The following TTC6 variants were observed in gnomAD, a reference collection of about 807,000 sequenced individuals.
The protein encoded by TTC6 is tetratricopeptide repeat protein 6.
Under a neutral mutation model 210.4 loss-of-function variants are expected in TTC6, and 172 were observed. The ratio of observed to expected loss-of-function variants is 0.82; its 90% CI spans 0.72 to 0.93. TTC6 has a LOEUF of 0.93. TTC6 is among the 40% of genes least tolerant of loss of function. TTC6 has a pLI of 0.00. For missense variants in TTC6, 2,414 were observed against 2,318.1 expected, an observed-to-expected ratio of 1.04 and a Z score of -0.85; for synonymous variants, 804 against 819.6, an observed-to-expected ratio of 0.98 and a Z score of 0.32.
At chr14:37,651,639 T>C (rs1176954454) in intron 1 of TTC6, among the ~76,000 whole-genome samples, 1 of 151,544 alleles carries the variant, frequency 6.6e-6, no homozygotes, top group Non-Finnish European at 1.5e-5. Flanking sequence ...GTACAGAGGG[T>C]GCCAGGCACT....
chr14:37,682,367 T>A (rs1401098024), intron 2 of TTC6, among the ~76,000 whole-genome samples: 8 of 151,928 alleles, frequency 5.3e-5, no homozygotes, highest in Non-Finnish European at 1.0e-4. Flanking sequence ...CTTGATGACT[T>A]GTGATATGGA....
intron 29 of TTC6, among the ~76,000 whole-genome samples, chr14:37,837,730 A>G (rs761231084): frequency 3.3e-4 from 50 of 152,332 alleles, no homozygotes; most frequent in Admixed American, 5.9e-4. Flanking sequence ...AAACTGATGC[A>G]AATAGAGTTT....
rs1371233238 is a variant in TTC6 at position 37,754,020 on chromosome 14, A to G, written c.3266+785A>G. ...TTTTGAAGTGGTTTAAAATATGTAT[A>G]TAATCACGTCTACTGATCTTTTCAG... is the stretch of plus-strand genomic sequence containing the variant. On this transcript the variant is annotated intron_variant, in intron 14 of 30. Coordinates refer to ENST00000553443, the Ensembl canonical transcript of TTC6. 3.3e-5 allele frequency among the ~76,000 whole-genome samples: 5 copies of G among 152,226 alleles called. No homozygotes were observed. The East Asian group carries it at 9.6e-4, about 29-fold the overall frequency.
chr14:37,755,244 A>G (rs1419898508), intron 14 of TTC6, among the ~76,000 whole-genome samples: 1 of 151,834 alleles, frequency 6.6e-6, no homozygotes, highest in Non-Finnish European at 1.5e-5. Context: ...TTTCTTGTAA[A>G]TTGGTTTAAG....
intron 14 of TTC6, among the ~76,000 whole-genome samples, chr14:37,757,292 GCT>G (rs1270893170): frequency 6.6e-6 from 1 of 151,532 alleles, no homozygotes; most frequent in Admixed American, 6.6e-5. Flanking sequence ...ATGGAATCTT[GCT>G]CTGTCACCCA....
intron 1 of TTC6, among the ~76,000 whole-genome samples, chr14:37,659,244 T>G (rs2095731823): frequency 6.6e-6 from 1 of 152,176 alleles, no homozygotes; most frequent in Admixed American, 6.5e-5. Flanking sequence ...AATGGACATT[T>G]GTGTGCATGT....
At chr14:37,686,730 A>G (rs956609283) in intron 3 of TTC6, among the ~76,000 whole-genome samples, 6 of 152,164 alleles carry the variant, frequency 3.9e-5, no homozygotes, top group African/African-American at 7.2e-5. Context: ...TTATGAAACC[A>G]TCAGATGTTG....
At chr14:37,813,276 T>G (rs1310412923) in intron 25 of TTC6, among the ~76,000 whole-genome samples, 1 of 152,192 alleles carries the variant, frequency 6.6e-6, no homozygotes, top group Non-Finnish European at 1.5e-5. Context: ...TCCCAATGTT[T>G]GAATACCTTT....
chr14:37,609,582 G>A (rs1049886835), intron 2 of TTC6, among the ~76,000 whole-genome samples: 1 of 152,098 alleles, frequency 6.6e-6, no homozygotes. Flanking sequence ...TTATCCTATG[G>A]TATGGATACC....
At chr14:37,599,881 C>T (rs1004545807) in intron 1 of TTC6, among the ~76,000 whole-genome samples, 1 of 152,126 alleles carries the variant, frequency 6.6e-6, no homozygotes, top group Non-Finnish European at 1.5e-5. Context: ...CCGCGCGCGT[C>T]TCCCGCCGTT....
At chr14:37,632,467 G>C (rs1036003649) in intron 1 of TTC6, among the ~76,000 whole-genome samples, 3 of 152,216 alleles carry the variant, frequency 2.0e-5, no homozygotes, top group African/African-American at 7.2e-5. Context: ...GGCAAAGATT[G>C]CTGCCTGTTC....
At chr14:37,815,481 C>T (rs147823359) in intron 25 of TTC6, among the ~76,000 whole-genome samples, 119 of 152,156 alleles carry the variant, frequency 7.8e-4, no homozygotes, top group African/African-American at 2.7e-3. Flanking sequence ...TATGAGAATC[C>T]AGTGCTGCTG....
At chr14:37,765,680 C>T (rs953145385) in intron 14 of TTC6, among the ~76,000 whole-genome samples, 2 of 152,020 alleles carry the variant, frequency 1.3e-5, no homozygotes, top group African/African-American at 4.8e-5. Context: ...CATCTAGTGT[C>T]TTTCATGTCA....
At chr14:37,757,573 T>G (rs1457795205) in intron 14 of TTC6, among the ~76,000 whole-genome samples, 3 of 152,100 alleles carry the variant, frequency 2.0e-5, no homozygotes, top group African/African-American at 4.8e-5. Flanking sequence ...GCGCCTGGCC[T>G]TCTTCTTTAT....
At chr14:37,736,733 A>G (rs1267407456) in intron 8 of TTC6, among the ~76,000 whole-genome samples, 2 of 151,958 alleles carry the variant, frequency 1.3e-5, no homozygotes, top group Non-Finnish European at 2.9e-5. Context: ...ACATGGTTTT[A>G]TTTTTCTCTC....
intron 14 of TTC6, among the ~76,000 whole-genome samples, chr14:37,765,620 T>C (rs1225642809): frequency 1.3e-5 from 2 of 152,160 alleles, no homozygotes; most frequent in Non-Finnish European, 2.9e-5. Context: ...AATTTACCTA[T>C]TCAGTACTTT....
chr14:37,791,078 A>G (rs2096078162), intron 16 of TTC6, among the ~76,000 whole-genome samples: 1 of 152,204 alleles, frequency 6.6e-6, no homozygotes, highest in Non-Finnish European at 1.5e-5. Context: ...TGGGTTTGAC[A>G]GGAGTTAAAT....
chr14:37,713,729 T>C (rs924680429), intron 5 of TTC6, among the ~76,000 whole-genome samples: 9 of 152,202 alleles, frequency 5.9e-5, no homozygotes, highest in African/African-American at 9.7e-5. Flanking sequence ...CCATATCTTC[T>C]TCAGCCTGCC....
chr14:37,784,529 T>C (rs973252382), intron 14 of TTC6, among the ~76,000 whole-genome samples: 2 of 152,144 alleles, frequency 1.3e-5, no homozygotes, highest in African/African-American at 4.8e-5. Context: ...CACGTTGAGA[T>C]GGGTCTCCTG....
Sources: allele counts gnomAD v4.1 joint callset (sites outside exome capture counted in the v4.1 genomes callset), GRCh38; gene constraint gnomAD v4.1.1; transcripts MANE v1.5; gene names NCBI Gene and HGNC (gene_info 2026-07-23, HGNC 2026-07-21).